The following HDAC4 variants were observed in gnomAD, a reference collection of about 807,000 sequenced individuals.
HDAC4 encodes histone deacetylase A.
In HDAC4, 16 loss-of-function variants were observed where a neutral mutation model predicts 135.1. The observed-to-expected ratio is 0.12, with a 90% CI of 0.08 to 0.18. HDAC4 has a LOEUF of 0.18. Among genes scored for constraint, HDAC4 ranks in the 10% least tolerant of loss-of-function variants. The pLI is 1.00. For missense variants in HDAC4, 1,143 were observed against 1,511.8 expected (o/e 0.76, Z 4.05); for synonymous variants, 685 against 653.4 (o/e 1.05, Z -0.74).
At chr2:239,273,113 G>A (rs904416245) in intron 2 of HDAC4, among the ~76,000 whole-genome samples, 24 of 151,996 alleles carry the variant, frequency 1.6e-4, no homozygotes, top group South Asian at 2.1e-4. Context: ...CTGAGATGAG[G>A]GATTATCAGA....
intron 3 of HDAC4, among the ~76,000 whole-genome samples, chr2:239,216,833 T>G (rs1041580832): frequency 6.6e-6 from 1 of 152,218 alleles, no homozygotes; most frequent in Admixed American, 6.5e-5. Context: ...CCACCCGCCA[T>G]ACTCGGCATC....
At chr2:239,083,964 G>T (rs567970188) in intron 20 of HDAC4, among the ~76,000 whole-genome samples, 191 bp downstream of exon 20, 1 of 152,236 alleles carries the variant, frequency 6.6e-6, no homozygotes, top group Non-Finnish European at 1.5e-5. Context: ...ATTCGCCAGG[G>T]TCGGCTGACG....
In HDAC4 at chr2:239,359,049, A is replaced by T. The variant is rs569814011; in HGVS notation, c.-219-6131T>A. Among the ~76,000 whole-genome samples, 4 of 152,364 alleles carry T rather than the reference A, an allele frequency of 2.6e-5. No individual in the cohort carries two copies. In the South Asian group the frequency reaches 8.3e-4, roughly 32 times the overall value. ...TTGTTTATTTTTTGGATATGTAAAA[A>T]GTACAAATATTTTAAGTAAAAAAAA... On this transcript the variant is annotated intron_variant, in intron 1 of 26. Coordinates refer to ENST00000543185, the MANE Select transcript of HDAC4 (RefSeq NM_001378414.1).
chr2:239,156,820 C>T (rs554516904), intron 6 of HDAC4, 47 bp from the exon 7 acceptor site: 2 of 1,612,348 alleles, frequency 1.2e-6, no homozygotes, highest in South Asian at 2.2e-5. Context: ...CAGCGCACTG[C>T]CCCAGGCATG....
chr2:239,054,921 G>A, intron 24 of HDAC4, 88 bp from the exon 25 acceptor site: 3 of 918,928 alleles, frequency 3.3e-6, no homozygotes, highest in African/African-American at 1.6e-5. Flanking sequence ...ACTGTTTCCT[G>A]AGCACAGAGA....
rs2041356652 is a variant in HDAC4, at chr2:239,141,234, G to A, written c.866-1438C>T. On this transcript the variant is annotated intron_variant, in intron 8 of 26. Coordinates refer to ENST00000543185, the MANE Select transcript of HDAC4 (RefSeq NM_001378414.1). This position sits in a 1 kb window ranked among gnomAD's most constrained non-coding sequence, Gnocchi z 4.9. Reference sequence around the variant, plus strand: ...CCACGCTGCCCACCAGGAACACCCTGGGAACATCTTGCCCTCAACAGCAGG... The same window carrying A: ...CCACGCTGCCCACCAGGAACACCCTAGGAACATCTTGCCCTCAACAGCAGG... 6.6e-6 allele frequency among the ~76,000 whole-genome samples: 1 copy of A among 152,236 alleles called. No homozygotes were observed. Among genetic ancestry groups the A allele is most frequent in the South Asian group, 2.1e-4 (1 of 4,816 alleles).
intron 2 of HDAC4, among the ~76,000 whole-genome samples, chr2:239,241,642 TG>T (rs2048180890): frequency 6.6e-6 from 1 of 152,234 alleles, no homozygotes; most frequent in South Asian, 2.1e-4. Context: ...TCCTGGAGGC[TG>T]CAGAGATATT....
At chr2:239,100,123 G>A (rs925577631) in intron 16 of HDAC4, among the ~76,000 whole-genome samples, 4 of 152,230 alleles carry the variant, frequency 2.6e-5, no homozygotes, top group African/African-American at 7.2e-5. Context: ...CCCTAAGAGG[G>A]TCTTTCTTAC....
rs1444422141 is a variant in HDAC4, at chr2:239,068,221, C to A, written c.2869+268G>T. On this transcript the variant is annotated intron_variant, in intron 23 of 26. Transcript: ENST00000543185. The surrounding 1 kb of genome is among the most constrained non-coding windows in gnomAD (Gnocchi z 4.4). ...GAGGTGGCCTGCAGGTCCCTAGGCA[C>A]CCGCATCCCAGAGAGGGAGCCTCGT... 2.6e-5 allele frequency among the ~76,000 whole-genome samples: 4 copies of A among 152,200 alleles called. No individual in the cohort carries two copies. The highest frequency in any genetic ancestry group is 9.6e-5 in the African/African-American group (4 of 41,458).
At chr2:239,120,081 C>T (rs149522310) in intron 12 of HDAC4, among the ~76,000 whole-genome samples, 51 of 152,242 alleles carry the variant, frequency 3.3e-4, no homozygotes, top group Admixed American at 2.7e-3. Context: ...GTGCTGGCCC[C>T]GGGACGGGGA....
At chr2:239,208,669 CAA>C (rs1254676983) in intron 3 of HDAC4, among the ~76,000 whole-genome samples, 1 of 151,594 alleles carries the variant, frequency 6.6e-6, no homozygotes, top group Non-Finnish European at 1.5e-5. Flanking sequence ...CCACCACCTG[CAA>C]AGAGAAGAAT....
At chr2:239,183,316 C>T (rs1024728612) in intron 4 of HDAC4, among the ~76,000 whole-genome samples, 3 of 152,348 alleles carry the variant, frequency 2.0e-5, no homozygotes, top group Middle Eastern at 3.4e-3. Context: ...ACTTTTAAAA[C>T]GAAACTCTTG....
chr2:239,368,879 G>A (rs554032861), intron 1 of HDAC4, among the ~76,000 whole-genome samples: 45 of 152,236 alleles, frequency 3.0e-4, no homozygotes, highest in African/African-American at 8.2e-4. Flanking sequence ...TATCGATGTC[G>A]GCATCGACAG....
rs550384746 is a variant in HDAC4, at chr2:239,397,261, G to C, written c.-220+3717C>G. 2.4e-4 allele frequency among the ~76,000 whole-genome samples: 37 copies of C among 152,340 alleles called. 1 individual carries two copies. The South Asian group carries it at 7.7e-3, about 32-fold the overall frequency. On this transcript the variant is annotated intron_variant, in intron 1 of 26. Coordinates refer to ENST00000543185, the MANE Select transcript of HDAC4 (RefSeq NM_001378414.1). ...ACTGGAGATGCAGGGGGTGGCACAT[G>C]GTCCATTTCATTCTACCCCCAGTTC...
At position 239,190,003 on chromosome 2, in the gene HDAC4, A is replaced by G. The variant is rs2044810512; in HGVS notation, c.169T>C (p.Phe57Leu). Reference protein sequence around the residue: ...VPMDLRLDHQFSLPVAEPALR... With the variant: ...VPMDLRLDHQLSLPVAEPALR... Reference sequence around the variant, plus strand: ...GCCGGCTCTGCCACAGGCAGTGAGAACTGGTGGTCCAGGCGCAGGTCCATG... The same window carrying G: ...GCCGGCTCTGCCACAGGCAGTGAGAGCTGGTGGTCCAGGCGCAGGTCCATG... The change falls in exon 4 of 27, where the codon TTC becomes CTC. Residue 57 changes from phenylalanine (F) to leucine (L), a missense_variant. Coordinates refer to ENST00000543185, the MANE Select transcript of HDAC4 (RefSeq NM_001378414.1). 1 of 1,606,224 alleles carries G rather than the reference A, an allele frequency of 6.2e-7. No individual in the cohort carries two copies. The highest frequency in any genetic ancestry group is 1.1e-5 in the South Asian group (1 of 91,062).
chr2:239,247,709 T>C (rs1001470057), intron 2 of HDAC4, among the ~76,000 whole-genome samples: 3 of 152,216 alleles, frequency 2.0e-5, no homozygotes, highest in Non-Finnish European at 2.9e-5. Context: ...TGTTAATAAG[T>C]AGCTCACGAA....
chr2:239,171,563 G>A (rs1258439308), intron 5 of HDAC4, among the ~76,000 whole-genome samples: 1 of 152,212 alleles, frequency 6.6e-6, no homozygotes, highest in Non-Finnish European at 1.5e-5. Context: ...TAAATGGAGA[G>A]ACTGGGGCAA....
chr2:239,135,518 C>T (rs930644806), intron 9 of HDAC4, among the ~76,000 whole-genome samples: 4 of 152,212 alleles, frequency 2.6e-5, no homozygotes, highest in African/African-American at 9.6e-5. Context: ...GTAATACCAT[C>T]TTGGCCTAGA....
chr2:239,314,916 T>C (rs6719956), intron 2 of HDAC4, among the ~76,000 whole-genome samples: 151,076 of 152,272 alleles, frequency 0.99, 74,945 homozygotes, highest in Middle Eastern at 1. Flanking sequence ...GGACGGGCAT[T>C]CAGATGTGCC....
Sources: allele counts gnomAD v4.1 joint callset (sites outside exome capture counted in the v4.1 genomes callset), GRCh38; gene constraint gnomAD v4.1.1; non-coding constraint Gnocchi (gnomAD v3.1); transcripts MANE v1.5; gene names NCBI Gene and HGNC (gene_info 2026-07-23, HGNC 2026-07-21).